RERE: variants seen among roughly 807,000 people sequenced by gnomAD.
RERE encodes arginine-glutamic acid dipeptide repeats, also known as arginine-glutamic acid dipeptide repeats protein.
RERE carries 40 observed loss-of-function variants against 146.1 expected under a neutral mutation model. The ratio of observed to expected loss-of-function variants is 0.27; its 90% confidence interval spans 0.21 to 0.36. The LOEUF (loss-of-function observed/expected upper bound fraction) is 0.36. Ranked by LOEUF, RERE falls within the 10% of genes least tolerant of loss-of-function variation. The probability of loss-of-function intolerance (pLI) is 1.00; values close to 1 mark genes in which losing one functional copy is unlikely to be tolerated. For synonymous variants in RERE, 1,003 were observed against 866.0 expected, an observed-to-expected ratio of 1.16 and a Z score of -2.78; for missense variants, 1,933 against 2,138.7, an observed-to-expected ratio of 0.90 and a Z score of 1.90.
At chr1:8,393,451 T>C (rs928606579) in intron 12 of RERE, among the ~76,000 whole-genome samples, 1 of 152,144 alleles carries the variant, frequency 6.6e-6, no homozygotes, top group African/African-American at 2.4e-5. Flanking sequence ...GGGACCCTCC[T>C]TTCTCTTGCT....
chr1:8,468,924 A>G (rs569292932), intron 10 of RERE, among the ~76,000 whole-genome samples: 20 of 152,138 alleles, frequency 1.3e-4, no homozygotes, highest in African/African-American at 4.1e-4. Context: ...AAGAAAGAAA[A>G]AAAGAAAAAA....
intron 1 of RERE, among the ~76,000 whole-genome samples, chr1:8,768,143 A>C (rs1046742288): frequency 2.0e-5 from 3 of 152,170 alleles, no homozygotes; most frequent in Admixed American, 1.3e-4. Context: ...TTTTTCTTTA[A>C]AATTACTTAG....
Position 8,355,699 on chromosome 1 carries a change from TGCCAGTTCGGACACAGGA to T in RERE, c.4487-118_4487-101del, listed in dbSNP as rs1641263479. On this transcript the variant is annotated intron_variant, in intron 21 of 22. Coordinates refer to ENST00000400908, the MANE Select transcript of RERE (RefSeq NM_001042681.2). ...CAAACGGCAAAGAGCACAGGAGAGG[TGCCAGTTCGGACACAGGA>T]GCCAGCCCCTCCCAGACTCTGCAGA... is the stretch of plus-strand genomic sequence containing the variant. 5.6e-6 allele frequency: 6 copies of T among 1,067,236 alleles called. No individual in the cohort carries two copies. In the East Asian group the frequency reaches 1.7e-4, roughly 30 times the overall value. 66.1% of individuals were successfully genotyped at this position (1,067,236 alleles called of 1,614,324 possible). A position where few individuals can be genotyped will look rare whatever the true frequency, so the allele number is the denominator to read the frequency against.
Position 8,361,173 on chromosome 1 carries a change from G to A in RERE, c.2334C>T (p.Ser778=), listed in dbSNP as rs769813163. Residue 778 remains serine, a synonymous_variant, in exon 18 of 23, where the codon TCC becomes TCT. Transcript: ENST00000400908. ...GGTTAGGGGCCTGGGAGGCCGTGGG[G>A]GAGCCCTGTGGGGGAACTGCAGTGG... ...PSATAVPPQG[S]PTASQAPNQP... 3 of 1,459,926 alleles carry A rather than the reference G, an allele frequency of 2.1e-6. No homozygotes were observed. In the South Asian group the frequency reaches 4.3e-5, roughly 21 times the overall value. 90.4% of individuals were successfully genotyped at this position (1,459,926 alleles called of 1,614,324 possible).
intron 1 of RERE, among the ~76,000 whole-genome samples, chr1:8,697,098 T>C (rs558042948): frequency 2.0e-5 from 3 of 152,294 alleles, no homozygotes; most frequent in East Asian, 3.9e-4. Context: ...AAGGTGAATA[T>C]TTCATTACTG....
chr1:8,559,303 A>AAAAAC (rs1646048532), intron 4 of RERE, among the ~76,000 whole-genome samples: 1 of 144,556 alleles, frequency 6.9e-6, no homozygotes, highest in Non-Finnish European at 1.5e-5. Flanking sequence ...AAAAAAAAAA[A>AAAAAC]ACAGAACAAA....
intron 1 of RERE, among the ~76,000 whole-genome samples, chr1:8,737,275 A>G (rs527569762): frequency 1.3e-4 from 20 of 152,380 alleles, no homozygotes; most frequent in Admixed American, 5.9e-4. Flanking sequence ...CTAGAAACTA[A>G]TAAGTCAGCT....
chr1:8,691,082 C>T (rs1385825342), intron 1 of RERE, among the ~76,000 whole-genome samples: 1 of 151,890 alleles, frequency 6.6e-6, no homozygotes, highest in Non-Finnish European at 1.5e-5. Flanking sequence ...ATTTTTAGTA[C>T]AGACGGGGTT....
At chr1:8,579,819 C>T (rs7539788) in intron 4 of RERE, among the ~76,000 whole-genome samples, 1,691 of 152,318 alleles carry the variant, frequency 0.011, 31 homozygotes, top group African/African-American at 0.039. Context: ...GCCTGGCCAA[C>T]ATGGTAAAAC....
At chr1:8,786,307 T>C (rs1641257898) in intron 1 of RERE, 2 of 904,450 alleles carry the variant, frequency 2.2e-6, no homozygotes, top group Non-Finnish European at 3.6e-6. Flanking sequence ...AGAAAATAAT[T>C]TGAAGGGCCA....
chr1:8,711,499 T>A (rs1569607215), intron 1 of RERE, among the ~76,000 whole-genome samples: 1 of 152,178 alleles, frequency 6.6e-6, no homozygotes, highest in South Asian at 2.1e-4. Flanking sequence ...TCACTAGAGA[T>A]CTCAGACTGT....
At chr1:8,584,498 G>T (rs1193080271) in intron 4 of RERE, among the ~76,000 whole-genome samples, 3 of 152,174 alleles carry the variant, frequency 2.0e-5, no homozygotes, top group African/African-American at 7.2e-5. Context: ...AGTGAGCTAT[G>T]ATCCTGCCAC....
chr1:8,661,245 G>C (rs1341993466), intron 1 of RERE, among the ~76,000 whole-genome samples: 1 of 152,128 alleles, frequency 6.6e-6, no homozygotes, highest in African/African-American at 2.4e-5. Context: ...GCAGGAATGA[G>C]CCAGGCCCAC....
chr1:8,808,914 G>A (rs754188262), intron 1 of RERE, among the ~76,000 whole-genome samples: 1 of 152,044 alleles, frequency 6.6e-6, no homozygotes, highest in Non-Finnish European at 1.5e-5. Context: ...AAGGCAGGCG[G>A]ATCACGAAGT....
chr1:8,359,790 G>T lies in RERE; in HGVS notation c.3592C>A (p.Arg1198=), dbSNP rs778594494. The T allele has an allele frequency of 6.2e-6, 10 of 1,601,216 alleles. No individual in the cohort carries two copies. The highest frequency in any genetic ancestry group is 8.5e-6 in the Non-Finnish European group (10 of 1,178,624). ...GCCGCCCGCTCTGCCTCGCGCTCCCGCTCTCGCTCCCGCTCCCGCTCCTTC... is the reference window on the plus strand; with the variant it reads ...GCCGCCCGCTCTGCCTCGCGCTCCCTCTCTCGCTCCCGCTCCCGCTCCTTC... ...KEKERERERE[R]EREAERAAKA... The change falls in exon 19 of 23, where the codon CGG becomes AGG. Residue 1198 remains arginine (R), a synonymous_variant. Transcript: ENST00000400908.
intron 1 of RERE, among the ~76,000 whole-genome samples, chr1:8,724,495 T>C (rs1388437683): frequency 6.6e-6 from 1 of 152,164 alleles, no homozygotes; most frequent in Non-Finnish European, 1.5e-5. Flanking sequence ...ATATCCCAAA[T>C]CCTTTGTAAA....
intron 1 of RERE, among the ~76,000 whole-genome samples, chr1:8,673,005 G>A (rs1390037439): frequency 1.3e-5 from 2 of 152,128 alleles, no homozygotes; most frequent in African/African-American, 4.8e-5. Context: ...ATGGAGGGAA[G>A]AAAAGGTTTT....
chr1:8,611,313 G>T (rs1385818480), intron 4 of RERE, among the ~76,000 whole-genome samples: 1 of 151,954 alleles, frequency 6.6e-6, no homozygotes, highest in Non-Finnish European at 1.5e-5. Flanking sequence ...AGACCAGCCT[G>T]GCCAATAAGG....
At chr1:8,417,788 G>A (rs1037616635) in intron 12 of RERE, among the ~76,000 whole-genome samples, 27 of 152,164 alleles carry the variant, frequency 1.8e-4, no homozygotes, top group Non-Finnish European at 3.8e-4. Flanking sequence ...TATAATTTGG[G>A]CCCAAGTTCT....
Sources: gnomAD v4.1 joint callset for allele counts (sites outside exome capture counted in the v4.1 genomes callset) on GRCh38, gnomAD v4.1.1 for gene constraint, MANE v1.5 for transcripts, NCBI Gene and HGNC (gene_info 2026-07-23, HGNC 2026-07-21) for gene names.